The following ATRNL1 variants were observed in gnomAD, a reference collection of about 807,000 sequenced individuals.
ATRNL1 encodes attractin like 1.
ATRNL1 carries 95 observed loss-of-function variants against 182.7 expected under a neutral mutation model. That is an observed-to-expected ratio of 0.52 (90% CI 0.44 to 0.62). The LOEUF is 0.62. Among genes scored for constraint, ATRNL1 ranks in the 20% least tolerant of loss-of-function variants. ATRNL1 has a pLI of 0.00. For synonymous variants in ATRNL1, 576 were observed against 568.3 expected (o/e 1.01, Z -0.19); for missense variants, 1,471 against 1,679.5 (o/e 0.88, Z 2.17).
At chr10:115,409,753 A>G (rs1428044710) in intron 20 of ATRNL1, among the ~76,000 whole-genome samples, 6 of 152,176 alleles carry the variant, frequency 3.9e-5, no homozygotes, top group Admixed American at 6.5e-5. Context: ...TACAACAACA[A>G]AAAGAAAACT....
chr10:115,518,324 G>A (rs1055577676), intron 24 of ATRNL1, among the ~76,000 whole-genome samples: 1 of 151,728 alleles, frequency 6.6e-6, no homozygotes, highest in Non-Finnish European at 1.5e-5. Flanking sequence ...ATTTTCAGTA[G>A]AAATTCTATT....
At chr10:115,575,180 T>G (rs1292884487) in intron 26 of ATRNL1, among the ~76,000 whole-genome samples, 1 of 152,196 alleles carries the variant, frequency 6.6e-6, no homozygotes, top group Non-Finnish European at 1.5e-5. Context: ...ATGTGATATA[T>G]ATTCATCTTT....
At chr10:115,741,622 A>G (rs181569734) in intron 27 of ATRNL1, among the ~76,000 whole-genome samples, 1 of 152,342 alleles carries the variant, frequency 6.6e-6, no homozygotes, top group Non-Finnish European at 1.5e-5. Flanking sequence ...ACTGGATTGA[A>G]GAATAATTGA....
intron 26 of ATRNL1, among the ~76,000 whole-genome samples, chr10:115,551,250 T>G (rs999836124): frequency 2.0e-5 from 3 of 151,680 alleles, no homozygotes; most frequent in African/African-American, 4.8e-5. Flanking sequence ...TGATTTTGGC[T>G]AATATTGTAT....
At chr10:115,688,410 A>G (rs1397591185) in intron 26 of ATRNL1, among the ~76,000 whole-genome samples, 1 of 152,102 alleles carries the variant, frequency 6.6e-6, no homozygotes, top group African/African-American at 2.4e-5. Flanking sequence ...CAGTGGCTGC[A>G]CTAATTTACA....
intron 14 of ATRNL1, 29 bp downstream of exon 14, chr10:115,281,516 T>C: frequency 6.2e-7 from 1 of 1,606,498 alleles, no homozygotes; most frequent in Non-Finnish European, 8.5e-7. Flanking sequence ...AGTAAATGAG[T>C]TTATGGTCTA....
intron 19 of ATRNL1, among the ~76,000 whole-genome samples, chr10:115,354,196 AATT>A (rs1856399222): frequency 1.5e-5 from 2 of 129,314 alleles, no homozygotes; most frequent in Admixed American, 1.7e-4. Flanking sequence ...GGCCCATGAC[AATT>A]CTTCTTCTAA....
intron 26 of ATRNL1, among the ~76,000 whole-genome samples, chr10:115,708,662 A>G (rs2134012004): frequency 6.6e-6 from 1 of 151,854 alleles, no homozygotes; most frequent in East Asian, 1.9e-4. Context: ...TGCTTGCGTC[A>G]TTTCCAATTA....
chr10:115,372,170 C>T (rs568956722), intron 19 of ATRNL1, among the ~76,000 whole-genome samples: 3 of 152,158 alleles, frequency 2.0e-5, no homozygotes, highest in South Asian at 2.1e-4. Context: ...AGCGTGGAAA[C>T]GGACTAATAC....
chr10:115,202,413 C>T (rs1489887796), intron 8 of ATRNL1, among the ~76,000 whole-genome samples: 2 of 151,796 alleles, frequency 1.3e-5, no homozygotes, highest in Admixed American at 6.6e-5. Context: ...CCCATCAATA[C>T]CTAATTTATT....
chr10:115,484,446 T>C (rs1455799070), intron 24 of ATRNL1, among the ~76,000 whole-genome samples: 1 of 151,376 alleles, frequency 6.6e-6, no homozygotes, highest in Admixed American at 6.6e-5. Flanking sequence ...TTATCTTAAA[T>C]AAATTAAATA....
intron 17 of ATRNL1, among the ~76,000 whole-genome samples, chr10:115,304,250 C>T (rs1049402141): frequency 1.3e-5 from 2 of 152,176 alleles, no homozygotes; most frequent in Non-Finnish European, 2.9e-5. Flanking sequence ...CCACTGGCAG[C>T]CTGACTGATG....
At chr10:115,099,906 CTT>C (rs1843704291) in intron 1 of ATRNL1, among the ~76,000 whole-genome samples, 1 of 152,174 alleles carries the variant, frequency 6.6e-6, no homozygotes, top group African/African-American at 2.4e-5. Flanking sequence ...AATGAAATCT[CTT>C]GACAGTATTT....
chr10:115,520,754 G>A (rs992102958), intron 25 of ATRNL1, among the ~76,000 whole-genome samples: 3 of 151,976 alleles, frequency 2.0e-5, no homozygotes, highest in African/African-American at 7.3e-5. Context: ...TCCATTTACA[G>A]CCCTTCAGAT....
chr10:115,289,152 G>A (rs1020541495), intron 15 of ATRNL1, among the ~76,000 whole-genome samples: 1 of 152,218 alleles, frequency 6.6e-6, no homozygotes, highest in Admixed American at 6.5e-5. Context: ...TTGTGTAGGG[G>A]AATTCCTCTT....
intron 9 of ATRNL1, 30 bp from the exon 10 acceptor site, chr10:115,241,541 T>G: frequency 6.6e-7 from 1 of 1,516,818 alleles, no homozygotes; most frequent in Non-Finnish European, 9.1e-7. Flanking sequence ...TTTTATCCTT[T>G]GTAATACATT....
At position 115,121,792 on chromosome 10, in the gene ATRNL1, A is replaced by C; in HGVS notation, c.471A>C (p.Ala157=). The change falls in exon 3 of 29, where the codon GCA becomes GCC. Residue 157 remains alanine (A), a synonymous_variant. Transcript: ENST00000355044. ...MYVYDGDSIY[A]PLIAVLSGLI... is the part of the protein sequence containing the mutation. ...TTTATGATGGAGATTCAATATATGC[A>C]CCTTTAATAGCTGTACTTAGGTGAG... 1 of 1,526,056 alleles carries C rather than the reference A, an allele frequency of 6.6e-7. No individual in the cohort carries two copies. Among genetic ancestry groups the C allele is most frequent in the Non-Finnish European group, 8.9e-7 (1 of 1,118,442 alleles). 94.5% of individuals were successfully genotyped at this position (1,526,056 alleles called of 1,614,324 possible).
intron 26 of ATRNL1, among the ~76,000 whole-genome samples, chr10:115,623,030 C>T (rs1857873498): frequency 6.6e-6 from 1 of 152,120 alleles, no homozygotes; most frequent in Admixed American, 6.5e-5. Context: ...TTATAATTAT[C>T]TAACAGCATA....
In ATRNL1 at chr10:115,271,165, TACACAC is replaced by T. The variant is rs59638255; in HGVS notation, c.2100+2751_2100+2756del. ...AAGAGAAGAAAGAAAACAAAGATAT[TACACAC>T]ACACACACACACACACACACACACA... On this transcript the variant is annotated intron_variant, in intron 13 of 28. Coordinates refer to ENST00000355044, the MANE Select transcript of ATRNL1 (RefSeq NM_207303.4). 2.1e-3 allele frequency among the ~76,000 whole-genome samples: 309 copies of T among 145,886 alleles called. 1 individual carries two copies. The highest frequency in any genetic ancestry group is 3.9e-3 in the African/African-American group (154 of 39,020).
Sources: gnomAD v4.1 joint callset for allele counts (sites outside exome capture counted in the v4.1 genomes callset) on GRCh38, gnomAD v4.1.1 for gene constraint, MANE v1.5 for transcripts, NCBI Gene and HGNC (gene_info 2026-07-23, HGNC 2026-07-21) for gene names.